The following EBF1 variants were observed in gnomAD, a reference collection of about 807,000 sequenced individuals.
The protein encoded by EBF1 is EBF transcription factor 1.
A neutral mutation model predicts 68.4 loss-of-function variants in EBF1; 10 were observed. The ratio of observed to expected loss-of-function variants is 0.15; its 90% CI spans 0.09 to 0.25. The LOEUF (loss-of-function observed/expected upper bound fraction) is 0.25. Among genes scored for constraint, EBF1 ranks in the 10% least tolerant of loss-of-function variants. The pLI is 1.00. For missense variants in EBF1, 509 were observed against 794.4 expected, an observed-to-expected ratio of 0.64 and a Z score of 4.32; for synonymous variants, 298 against 299.8, an observed-to-expected ratio of 0.99 and a Z score of 0.06.
At chr5:158,891,558 G>A (rs916234773) in intron 6 of EBF1, among the ~76,000 whole-genome samples, 7 of 152,038 alleles carry the variant, frequency 4.6e-5, no homozygotes, top group African/African-American at 1.7e-4. Flanking sequence ...CTCAACTTTG[G>A]GCTAATCTTT....
chr5:158,939,682 T>A (rs1812813102), intron 6 of EBF1, among the ~76,000 whole-genome samples: 1 of 150,956 alleles, frequency 6.6e-6, no homozygotes, highest in East Asian at 2.0e-4. Flanking sequence ...AAATCTTTAG[T>A]CTGCCACTTT....
intron 6 of EBF1, among the ~76,000 whole-genome samples, chr5:158,992,508 T>C (rs1176516268): frequency 6.6e-6 from 1 of 152,228 alleles, no homozygotes; most frequent in Non-Finnish European, 1.5e-5. Flanking sequence ...GGAAACCACA[T>C]GTCTGCCCAG....
intron 6 of EBF1, among the ~76,000 whole-genome samples, chr5:158,861,668 G>A (rs1279990184): frequency 1.3e-5 from 2 of 152,112 alleles, no homozygotes; most frequent in African/African-American, 2.4e-5. Flanking sequence ...TGAGATCCCA[G>A]GGCCAAAGCA....
chr5:158,939,422 C>T (rs1448363023), intron 6 of EBF1, among the ~76,000 whole-genome samples: 1 of 152,056 alleles, frequency 6.6e-6, no homozygotes, highest in Non-Finnish European at 1.5e-5. Context: ...TGGTAGTCAA[C>T]GTGAAGATGA....
Position 158,908,124 on chromosome 5 carries a change from C to T in EBF1, c.555-68014G>A, listed in dbSNP as rs551627412. ...ATAAATCCTGAAAAGACTTGTCAGT[C>T]GAAAGAAACTTTGTGGCTCCTCTCA... On this transcript the variant is annotated intron_variant, in intron 6 of 15. Coordinates refer to ENST00000313708, the MANE Select transcript of EBF1 (RefSeq NM_024007.5). Among the ~76,000 whole-genome samples the T allele has an allele frequency of 1.8e-4, 28 of 152,274 alleles. 1 individual carries two copies. The highest frequency in any genetic ancestry group is 5.3e-4 in the African/African-American group (22 of 41,558).
chr5:159,066,581 G>T (rs1776842278), intron 6 of EBF1, among the ~76,000 whole-genome samples: 1 of 150,678 alleles, frequency 6.6e-6, no homozygotes, highest in South Asian at 2.1e-4. Context: ...ATGTAACAAA[G>T]ATTTTTTTTT....
chr5:158,869,358 C>T (rs992883845), intron 6 of EBF1, among the ~76,000 whole-genome samples: 2 of 152,110 alleles, frequency 1.3e-5, no homozygotes, highest in African/African-American at 4.8e-5. Context: ...TCTGGATACC[C>T]TGAGAGAATA....
intron 6 of EBF1, among the ~76,000 whole-genome samples, chr5:159,067,596 G>A (rs1368595182): frequency 6.6e-6 from 1 of 152,174 alleles, no homozygotes; most frequent in East Asian, 1.9e-4. Context: ...ATGGAATATA[G>A]ACTGCGATTA....
intron 10 of EBF1, among the ~76,000 whole-genome samples, chr5:158,734,224 C>T (rs1185724524): frequency 1.3e-5 from 2 of 152,062 alleles, no homozygotes; most frequent in Non-Finnish European, 2.9e-5. Flanking sequence ...TGCTTTTCTT[C>T]CTGTTCTTTT....
intron 6 of EBF1, among the ~76,000 whole-genome samples, chr5:159,028,756 G>A (rs1361532255): frequency 6.6e-6 from 1 of 152,148 alleles, no homozygotes. Flanking sequence ...TGGAAGGTTG[G>A]AAGGAAAGGA....
intron 6 of EBF1, among the ~76,000 whole-genome samples, chr5:158,880,114 C>T (rs1370559644): frequency 6.6e-6 from 1 of 152,228 alleles, no homozygotes; most frequent in African/African-American, 2.4e-5. Flanking sequence ...AATCGCCCCA[C>T]GGCCTCTTTT....
At chr5:159,010,713 A>G (rs528034355) in intron 6 of EBF1, among the ~76,000 whole-genome samples, 1 of 152,330 alleles carries the variant, frequency 6.6e-6, no homozygotes, top group Admixed American at 6.5e-5. Context: ...CACCATCTCA[A>G]TGTCAGCTCC....
chr5:158,743,264 C>T (rs914031858), intron 10 of EBF1, among the ~76,000 whole-genome samples: 25 of 151,974 alleles, frequency 1.6e-4, no homozygotes, highest in Non-Finnish European at 2.8e-4. Context: ...GATTTTTCTA[C>T]GGAAAAGGAC....
At chr5:158,911,818 T>A (rs1375527327) in intron 6 of EBF1, among the ~76,000 whole-genome samples, 4 of 152,322 alleles carry the variant, frequency 2.6e-5, no homozygotes, top group East Asian at 3.9e-4. Flanking sequence ...AAAATGTAAC[T>A]ATTAAGTCAC....
chr5:158,865,116 C>G (rs898492731), intron 6 of EBF1, among the ~76,000 whole-genome samples: 1 of 152,146 alleles, frequency 6.6e-6, no homozygotes, highest in Non-Finnish European at 1.5e-5. Context: ...CCTTCTCTTC[C>G]CAGGACTCTT....
At chr5:158,831,027 C>T (rs754164600) in intron 7 of EBF1, among the ~76,000 whole-genome samples, 1 of 152,180 alleles carries the variant, frequency 6.6e-6, no homozygotes, top group Non-Finnish European at 1.5e-5. Flanking sequence ...CTTCTGTCTC[C>T]TGAACGGTGA....
At chr5:158,709,941 G>T (rs1223230751) in intron 14 of EBF1, among the ~76,000 whole-genome samples, 6 of 152,112 alleles carry the variant, frequency 3.9e-5, no homozygotes, top group Non-Finnish European at 7.4e-5. Context: ...GGGAGTTTTG[G>T]GGTGGGGGGC....
At chr5:158,881,366 A>G (rs1401863075) in intron 6 of EBF1, among the ~76,000 whole-genome samples, 1 of 152,178 alleles carries the variant, frequency 6.6e-6, no homozygotes, top group Admixed American at 6.5e-5. Flanking sequence ...TAATCCCCTC[A>G]AAATCACCCG....
chr5:159,097,336 A>G, intron 1 of EBF1: 1 of 587,068 alleles, frequency 1.7e-6, no homozygotes, highest in Non-Finnish European at 2.9e-6. Context: ...CTCTCCGCCA[A>G]GGACGGGTGC....
Sources: allele counts gnomAD v4.1 joint callset (sites outside exome capture counted in the v4.1 genomes callset), GRCh38; gene constraint gnomAD v4.1.1; transcripts MANE v1.5; gene names NCBI Gene and HGNC (gene_info 2026-07-23, HGNC 2026-07-21).